Variants in SERPINB13 observed in about 807,000 individuals in gnomAD.
SERPINB13 encodes the protein serpin family B member 13, also known as serpin B13.
SERPINB13 carries 26 observed loss-of-function variants against 31.2 expected under a neutral mutation model. That is an observed-to-expected ratio of 0.83 (90% confidence interval 0.61 to 1.15). The LOEUF (loss-of-function observed/expected upper bound fraction) is 1.15, where lower values mean the gene tolerates loss of function less well. Among genes scored for constraint, SERPINB13 ranks in the 50% most tolerant of loss-of-function variants. The pLI is 0.00. For missense variants in SERPINB13, 510 were observed against 469.4 expected (o/e 1.09, Z -0.80); for synonymous variants, 191 against 172.4 (o/e 1.11, Z -0.85).
rs1390613251 is a variant in SERPINB13 at position 63,588,685 on chromosome 18, C to T, written c.18C>T (p.Ala6=). ...AAATCATCATGGATTCACTTGGCGCCGTCAGCACTCGACTTGGGTTTGATC... is the reference window on the plus strand; with the variant it reads ...AAATCATCATGGATTCACTTGGCGCTGTCAGCACTCGACTTGGGTTTGATC... MDSLG[A]VSTRLGFDLF... Residue 6 remains alanine (A), a synonymous_variant, in exon 2 of 8, where the codon GCC becomes GCT. Transcript: ENST00000344731. 14 of 1,613,968 alleles carry T rather than the reference C, an allele frequency of 8.7e-6. No homozygotes were observed. The highest frequency in any genetic ancestry group is 1.1e-5 in the Non-Finnish European group (13 of 1,179,992).
intron 3 of SERPINB13, among the ~76,000 whole-genome samples, chr18:63,590,585 G>A (rs1052694029): frequency 1.3e-5 from 2 of 152,220 alleles, no homozygotes; most frequent in African/African-American, 4.8e-5. Context: ...CCTCAACTGA[G>A]AAGTGCAGTT....
intron 3 of SERPINB13, among the ~76,000 whole-genome samples, chr18:63,590,571 G>A (rs944918908): frequency 2.6e-5 from 4 of 152,186 alleles, no homozygotes; most frequent in African/African-American, 9.6e-5. Flanking sequence ...CCACTGCAAT[G>A]TTCCCTCAAC....
intron 2 of SERPINB13, 50 bp downstream of exon 2, chr18:63,588,882 G>C (rs376162944): frequency 1.8e-5 from 26 of 1,422,978 alleles, no homozygotes; most frequent in South Asian, 5.1e-5. Flanking sequence ...AAATTCATTT[G>C]GCGGGGGGGT....
chr18:63,596,815 A>C, intron 7 of SERPINB13, 144 bp from the exon 8 acceptor site: 1 of 633,440 alleles, frequency 1.6e-6, no homozygotes, highest in Non-Finnish European at 2.6e-6. Context: ...CGCCTGCAGT[A>C]TAAAGACAAC....
Position 63,597,701 on chromosome 18 carries a change from TG to T in SERPINB13, c.*344del, listed in dbSNP as rs908433628. On this transcript the variant is annotated 3_prime_UTR_variant, in exon 8 of 8. Coordinates refer to ENST00000344731, the MANE Select transcript of SERPINB13 (RefSeq NM_012397.4). Reference sequence around the variant, plus strand: ...AGTAAAGAGTACGAACTAGTAATTTTGGGGGGTCTCTCTAATTCTGGTATTT... The same window carrying T: ...AGTAAAGAGTACGAACTAGTAATTTTGGGGGTCTCTCTAATTCTGGTATTT... 5 of 201,120 alleles carry T rather than the reference TG, an allele frequency of 2.5e-5. No individual in the cohort carries two copies. Among genetic ancestry groups the T allele is most frequent in the Non-Finnish European group, 5.1e-5 (5 of 97,988 alleles). 12.5% of individuals were successfully genotyped at this position (201,120 alleles called of 1,614,324 possible).
At chr18:63,594,551 A>G in intron 6 of SERPINB13, 54 bp downstream of exon 6, 5 of 1,588,346 alleles carry the variant, frequency 3.1e-6, no homozygotes, top group Non-Finnish European at 4.3e-6. Flanking sequence ...TGTAAAGTCT[A>G]AAGTCATGGC....
At position 63,595,079 on chromosome 18, in the gene SERPINB13, C is replaced by G. The variant is rs766990605; in HGVS notation, c.666C>G (p.Phe222Leu). Residue 222 changes from phenylalanine (F) to leucine (L), a missense_variant, in exon 7 of 8, where the codon TTC (phenylalanine) becomes TTG (leucine). Transcript: ENST00000344731. ...TGACACAGAGCCATTCCTTTAGCTT[C>G]ACTTTCCTGGAGGACTTGCAGGCCA... ...QMMTQSHSFSFTFLEDLQAKI... is the reference protein window; with the variant it reads ...QMMTQSHSFSLTFLEDLQAKI... 8.6e-5 allele frequency: 138 copies of G among 1,613,992 alleles called. 1 individual carries two copies. Among genetic ancestry groups the G allele is most frequent in the Non-Finnish European group, 1.2e-4 (136 of 1,179,986 alleles).
At chr18:63,588,865 T>C (rs750600933) in intron 2 of SERPINB13, 33 bp downstream of exon 2, 1 of 1,575,250 alleles carries the variant, frequency 6.3e-7, no homozygotes, top group Non-Finnish European at 8.6e-7. Flanking sequence ...CCTTGTTTCC[T>C]ATGCACAAAT....
intron 1 of SERPINB13, 146 bp downstream of exon 1, chr18:63,587,596 T>A: frequency 2.7e-6 from 1 of 376,478 alleles, no homozygotes; most frequent in Non-Finnish European, 5.4e-6. Flanking sequence ...TGACAATGTA[T>A]CTTCTTTGAC....
At chr18:63,591,792 A>G (rs1439340861) in intron 3 of SERPINB13, among the ~76,000 whole-genome samples, 1 of 152,034 alleles carries the variant, frequency 6.6e-6, no homozygotes, top group East Asian at 1.9e-4. Flanking sequence ...CGTTAAGGTA[A>G]CATAGAATAT....
At chr18:63,588,353 C>T (rs1235957572) in intron 1 of SERPINB13, among the ~76,000 whole-genome samples, 2 of 152,156 alleles carry the variant, frequency 1.3e-5, no homozygotes, top group African/African-American at 4.8e-5. Flanking sequence ...GAGGCAGAGA[C>T]AGGCAGGGTC....
At position 63,591,196 on chromosome 18, in the gene SERPINB13, G is replaced by A. The variant is rs1338478303; in HGVS notation, c.226-1152G>A. Reference sequence around the variant, plus strand: ...TGGATTAGGTGTTCATTATTCCCACGTATTTATTATTTCATTACATGCCAT... The same window carrying A: ...TGGATTAGGTGTTCATTATTCCCACATATTTATTATTTCATTACATGCCAT... On this transcript the variant is annotated intron_variant, in intron 3 of 7. Transcript: ENST00000344731. Among the ~76,000 whole-genome samples, 3 of 151,984 alleles carry A rather than the reference G, an allele frequency of 2.0e-5. No individual in the cohort carries two copies. The East Asian group carries it at 5.8e-4, about 29-fold the overall frequency.
intron 7 of SERPINB13, among the ~76,000 whole-genome samples, chr18:63,596,242 GAAAATATTTTGAGACAGC>G (rs1480275921): frequency 6.6e-6 from 1 of 152,142 alleles, no homozygotes; most frequent in South Asian, 2.1e-4. Context: ...TTTTAAGTTG[GAAAATATTTTGAGACAGC>G]AAAATAGCAA....
At chr18:63,594,179 G>A in intron 5 of SERPINB13, 176 bp from the exon 6 acceptor site, 1 of 1,515,492 alleles carries the variant, frequency 6.6e-7, no homozygotes, top group Non-Finnish European at 8.9e-7. Flanking sequence ...TAGGCGATGG[G>A]CAAAATGAGA....
At position 63,594,367 on chromosome 18, in the gene SERPINB13, A is replaced by C; in HGVS notation, c.485A>C (p.Asp162Ala). ...VESKTNEKIK[D>A]LFPDGSISSS... ...TCTTCATTTGCAGAAAAAATCAAGG[A>C]CTTGTTCCCAGATGGCTCTATTAGT... Residue 162 changes from aspartate (D) to alanine (A), a missense_variant, in exon 6 of 8, where the codon GAC (aspartate) becomes GCC (alanine). Coordinates refer to ENST00000344731, the MANE Select transcript of SERPINB13 (RefSeq NM_012397.4). 6.2e-7 allele frequency: 1 copy of C among 1,613,782 alleles called. No homozygotes were observed. The highest frequency in any genetic ancestry group is 8.5e-7 in the Non-Finnish European group (1 of 1,179,920).
Position 63,597,688 on chromosome 18 carries a change from G to A in SERPINB13, c.*325G>A, listed in dbSNP as rs1912270058. 3 of 215,972 alleles carry A rather than the reference G, an allele frequency of 1.4e-5. No individual in the cohort carries two copies. The Admixed American group carries it at 1.5e-4, about 11-fold the overall frequency. The allele number at this position is 215,972 out of a possible 1,614,324, so 13.4% of individuals were successfully genotyped here. A position where few individuals can be genotyped will look rare whatever the true frequency, so the allele number is the denominator to read the frequency against. On this transcript the variant is annotated 3_prime_UTR_variant, in exon 8 of 8. Coordinates refer to ENST00000344731, the MANE Select transcript of SERPINB13 (RefSeq NM_012397.4). The stretch of plus-strand genomic sequence containing the variant: ...AGAAAGTCTCTCCAGTAAAGAGTAC[G>A]AACTAGTAATTTTGGGGGGTCTCTC...
intron 7 of SERPINB13, among the ~76,000 whole-genome samples, chr18:63,595,776 G>A (rs1174006095): frequency 6.6e-6 from 1 of 152,058 alleles, no homozygotes; most frequent in Non-Finnish European, 1.5e-5. Flanking sequence ...GTGGGCGCCT[G>A]TAGTCCCAGC....
chr18:63,595,002 A>T (rs1359152144), intron 6 of SERPINB13, 27 bp from the exon 7 acceptor site: 1 of 1,586,250 alleles, frequency 6.3e-7, no homozygotes, highest in Non-Finnish European at 8.6e-7. Flanking sequence ...GTCCTTTGAT[A>T]TTGTGTGCTC....
rs560170347 is a variant in SERPINB13, at chr18:63,588,889, G to C, written c.165+57G>C. The stretch of plus-strand genomic sequence containing the variant: ...CTATGCACAAATTCATTTGGCGGGG[G>C]GGTTGTCAGCCCTCTTGCATTATCT... On this transcript the variant is annotated intron_variant, in intron 2 of 7. Transcript: ENST00000344731. 35 of 1,556,624 alleles carry C rather than the reference G, an allele frequency of 2.2e-5. No individual in the cohort carries two copies. In the South Asian group the frequency reaches 2.5e-4, roughly 11 times the overall value.
Sources: allele counts gnomAD v4.1 joint callset (sites outside exome capture counted in the v4.1 genomes callset), GRCh38; gene constraint gnomAD v4.1.1; transcripts MANE v1.5; gene names NCBI Gene and HGNC (gene_info 2026-07-23, HGNC 2026-07-21).